The following MAN2A1 variants were observed in gnomAD, a reference collection of about 807,000 sequenced individuals.
MAN2A1 encodes mannosidase alpha class 2A member 1.
Under a neutral mutation model 142.6 loss-of-function variants are expected in MAN2A1, and 76 were observed. That is an observed-to-expected ratio of 0.53 (90% CI 0.44 to 0.65). The LOEUF (loss-of-function observed/expected upper bound fraction) is 0.65. Ranked by LOEUF, MAN2A1 falls within the 30% of genes least tolerant of loss-of-function variation. The pLI, the probability that MAN2A1 is intolerant of heterozygous loss-of-function variation, is 0.00. For missense variants in MAN2A1, 1,311 were observed against 1,365.1 expected (o/e 0.96, Z 0.62); for synonymous variants, 559 against 473.2 (o/e 1.18, Z -2.35).
chr5:109,742,281 G>A (rs1752290035), intron 4 of MAN2A1, among the ~76,000 whole-genome samples: 1 of 152,186 alleles, frequency 6.6e-6, no homozygotes, highest in Non-Finnish European at 1.5e-5. Context: ...GTCTTGACCA[G>A]TTTCTCTTTG....
At chr5:109,739,645 C>T (rs1273860092) in intron 4 of MAN2A1, among the ~76,000 whole-genome samples, 5 of 152,196 alleles carry the variant, frequency 3.3e-5, no homozygotes, top group Admixed American at 3.3e-4. Context: ...GCAGCAACAG[C>T]TGTATCCACA....
chr5:109,703,597 G>C (rs1257231145), intron 1 of MAN2A1, among the ~76,000 whole-genome samples: 3 of 151,828 alleles, frequency 2.0e-5, no homozygotes, highest in East Asian at 1.9e-4. Flanking sequence ...AGTCGGTGTG[G>C]TTTTTAAAAA....
At chr5:109,854,040 T>C (rs1432503616) in intron 19 of MAN2A1, 1 of 152,196 alleles carries the variant, frequency 6.6e-6, no homozygotes, top group Admixed American at 6.5e-5. Context: ...TTCTGAATTT[T>C]AAGCTGTATA....
intron 4 of MAN2A1, among the ~76,000 whole-genome samples, chr5:109,743,719 T>A (rs528235464): frequency 1.3e-5 from 2 of 152,338 alleles, no homozygotes; most frequent in Admixed American, 1.3e-4. Flanking sequence ...AACCTCCAAA[T>A]GGCCTTTCCA....
intron 3 of MAN2A1, among the ~76,000 whole-genome samples, chr5:109,718,111 C>T (rs1028734564): frequency 2.6e-5 from 4 of 152,144 alleles, no homozygotes; most frequent in Admixed American, 1.3e-4. Context: ...GTTCTCCCTT[C>T]TCTTTCTGCC....
chr5:109,836,116 T>G (rs868682046), intron 16 of MAN2A1, among the ~76,000 whole-genome samples: 1 of 150,722 alleles, frequency 6.6e-6, no homozygotes, highest in Non-Finnish European at 1.5e-5. Flanking sequence ...ATTATTGTTA[T>G]TATTATTTTT....
intron 1 of MAN2A1, 27 bp downstream of exon 1, chr5:109,690,579 G>C: frequency 6.4e-7 from 1 of 1,565,030 alleles, no homozygotes; most frequent in Non-Finnish European, 8.6e-7. Flanking sequence ...GGGGCGCGGG[G>C]CTCCGAGGGG....
At chr5:109,815,728 T>C (rs1367990423) in intron 12 of MAN2A1, among the ~76,000 whole-genome samples, 3 of 152,196 alleles carry the variant, frequency 2.0e-5, no homozygotes, top group African/African-American at 7.2e-5. Context: ...ATGAACACTT[T>C]GTAATGCAAT....
At chr5:109,858,881 G>A (rs1046375011) in intron 20 of MAN2A1, among the ~76,000 whole-genome samples, 7 of 152,218 alleles carry the variant, frequency 4.6e-5, no homozygotes, top group African/African-American at 1.7e-4. Context: ...CAGTGAGGGA[G>A]GCGAGTTGCA....
chr5:109,758,317 G>T (rs1752744626), intron 5 of MAN2A1, among the ~76,000 whole-genome samples: 1 of 151,954 alleles, frequency 6.6e-6, no homozygotes, highest in South Asian at 2.1e-4. Flanking sequence ...GCTGCGTATA[G>T]ATCTTTTAAG....
At chr5:109,768,728 A>G (rs1026145438) in intron 6 of MAN2A1, among the ~76,000 whole-genome samples, 4 of 152,206 alleles carry the variant, frequency 2.6e-5, no homozygotes, top group Admixed American at 1.3e-4. Flanking sequence ...TAAGGAAAGC[A>G]TTAGCTATAC....
At chr5:109,796,968 C>T (rs986577406) in intron 12 of MAN2A1, among the ~76,000 whole-genome samples, 1 of 152,188 alleles carries the variant, frequency 6.6e-6, no homozygotes, top group Non-Finnish European at 1.5e-5. Context: ...TTTGCATCCC[C>T]TGGCAAATAC....
intron 16 of MAN2A1, among the ~76,000 whole-genome samples, chr5:109,826,617 C>T (rs1754767802): frequency 6.6e-6 from 1 of 152,218 alleles, no homozygotes; most frequent in African/African-American, 2.4e-5. Flanking sequence ...TCACCTGTCT[C>T]TCCTGTTTTT....
intron 17 of MAN2A1, among the ~76,000 whole-genome samples, chr5:109,845,265 A>G (rs1580311713): frequency 6.6e-6 from 1 of 152,202 alleles, no homozygotes; most frequent in Non-Finnish European, 1.5e-5. Flanking sequence ...AAGTAGAGTC[A>G]TATTTCAAAC....
chr5:109,770,650 T>C, intron 7 of MAN2A1, 109 bp downstream of exon 7: 1 of 968,650 alleles, frequency 1.0e-6, no homozygotes, highest in Non-Finnish European at 1.5e-6. Context: ...ATTATCCTTG[T>C]TTGAAGTATT....
Position 109,690,263 on chromosome 5 carries a change from G to T in MAN2A1, c.-155G>T. Reference sequence around the variant, plus strand: ...GGCGTGTGGTGGCGCCGGAGACTAGGTGCGGAGCAAGGCGGGGACTCGCAC... The same window carrying T: ...GGCGTGTGGTGGCGCCGGAGACTAGTTGCGGAGCAAGGCGGGGACTCGCAC... On this transcript the variant is annotated 5_prime_UTR_variant, in exon 1 of 22. Coordinates refer to ENST00000261483, the MANE Select transcript of MAN2A1 (RefSeq NM_002372.4). 8 of 717,578 alleles carry T rather than the reference G, an allele frequency of 1.1e-5. No homozygotes were observed. Among genetic ancestry groups the T allele is most frequent in the Non-Finnish European group, 1.9e-5 (8 of 417,042 alleles). 44.5% of individuals were successfully genotyped at this position (717,578 alleles called of 1,614,324 possible).
At chr5:109,758,997 A>G (rs1188997155) in intron 5 of MAN2A1, among the ~76,000 whole-genome samples, 1 of 152,050 alleles carries the variant, frequency 6.6e-6, no homozygotes. Flanking sequence ...TAGCTTGTAT[A>G]AGCTTGACAT....
chr5:109,858,574 A>G (rs981371768), intron 20 of MAN2A1, among the ~76,000 whole-genome samples: 27 of 152,198 alleles, frequency 1.8e-4, no homozygotes, highest in African/African-American at 6.5e-4. Flanking sequence ...AATGCAACTC[A>G]TTTTTCCCCT....
At chr5:109,865,479 C>A in intron 21 of MAN2A1, 1 of 270,592 alleles carries the variant, frequency 3.7e-6, no homozygotes, top group Non-Finnish European at 7.2e-6. Flanking sequence ...GCTCACATAT[C>A]ATCTAGTTCA....
Sources: gnomAD v4.1 joint callset for allele counts (sites outside exome capture counted in the v4.1 genomes callset) on GRCh38, gnomAD v4.1.1 for gene constraint, MANE v1.5 for transcripts, NCBI Gene and HGNC (gene_info 2026-07-23, HGNC 2026-07-21) for gene names.